LAPTM4B: variants seen among roughly 807,000 people sequenced by gnomAD.
The protein encoded by LAPTM4B is lysosomal-associated transmembrane protein 4B.
A neutral mutation model predicts 28.5 loss-of-function variants in LAPTM4B; 26 were observed. The ratio of observed to expected loss-of-function variants is 0.91; its 90% CI spans 0.67 to 1.27. The LOEUF (loss-of-function observed/expected upper bound fraction) is 1.27. Ranked by LOEUF, LAPTM4B falls within the 50% of genes most tolerant of loss-of-function variation. LAPTM4B has a pLI of 0.00. For synonymous variants in LAPTM4B, 109 were observed against 106.4 expected (o/e 1.02, Z -0.15); for missense variants, 288 against 285.8 (o/e 1.01, Z -0.06).
At chr8:97,806,568 AT>A (rs1229063520) in intron 2 of LAPTM4B, among the ~76,000 whole-genome samples, 1 of 152,154 alleles carries the variant, frequency 6.6e-6, no homozygotes, top group Non-Finnish European at 1.5e-5. Flanking sequence ...TGGAATTGAT[AT>A]GGTTTGGCTG....
At chr8:97,846,327 ATTTT>A (rs57959152) in intron 6 of LAPTM4B, among the ~76,000 whole-genome samples, 33 of 138,912 alleles carry the variant, frequency 2.4e-4, no homozygotes, top group Non-Finnish European at 2.6e-4. Context: ...AGAGTATCCA[ATTTT>A]TTTTTTTTTT....
intron 6 of LAPTM4B, among the ~76,000 whole-genome samples, chr8:97,840,781 T>G (rs1461547288): frequency 6.6e-6 from 1 of 152,162 alleles, no homozygotes; most frequent in East Asian, 1.9e-4. Flanking sequence ...TGCTCCTCAC[T>G]TCCCAGACGG....
rs532040084 is a variant in LAPTM4B at position 97,819,245 on chromosome 8, A to C, written c.507+7A>C. 18 of 1,509,902 alleles carry C rather than the reference A, an allele frequency of 1.2e-5. No individual in the cohort carries two copies. The South Asian group carries it at 1.6e-4, about 14-fold the overall frequency. The allele number at this position is 1,509,902 out of a possible 1,614,324, so 93.5% of individuals were successfully genotyped here. On this transcript the variant is annotated splice_region_variant and intron_variant, in intron 5 of 6. Coordinates refer to ENST00000521545, the MANE Select transcript of LAPTM4B (RefSeq NM_018407.6). ...CATTATCTTGACTTTTAAGGTAAGC[A>C]TGAAGATTTTACTTATAGTCTAAAA... is the stretch of plus-strand genomic sequence containing the variant.
intron 5 of LAPTM4B, 141 bp from the exon 6 acceptor site, chr8:97,824,917 T>G: frequency 1.9e-6 from 1 of 521,318 alleles, no homozygotes; most frequent in Non-Finnish European, 3.5e-6. Context: ...TTCAGGGACT[T>G]TTGGTTTAGT....
intron 5 of LAPTM4B, 46 bp downstream of exon 5, chr8:97,819,284 T>C: frequency 8.7e-7 from 1 of 1,155,544 alleles, no homozygotes; most frequent in South Asian, 1.3e-5. Context: ...TTAAGTGTAT[T>C]CCTGAATACC....
intron 2 of LAPTM4B, among the ~76,000 whole-genome samples, chr8:97,813,503 G>A (rs531324428): frequency 1.1e-4 from 16 of 152,174 alleles, no homozygotes; most frequent in Admixed American, 2.6e-4. Flanking sequence ...CTTTGGCAAC[G>A]CCCTCACAGG....
At chr8:97,834,777 C>T (rs1463188004) in intron 6 of LAPTM4B, among the ~76,000 whole-genome samples, 1 of 152,166 alleles carries the variant, frequency 6.6e-6, no homozygotes, top group African/African-American at 2.4e-5. Context: ...GCTCTAGGCT[C>T]ATCTTGTACA....
rs1250399318 is a variant in LAPTM4B, at chr8:97,805,450, T to C, written c.197T>C (p.Phe66Ser). ...TCTGAACTGGGAGGTGACTTTGAGT[T>C]CATGGATGATGCCAGTAAGTAGTAG... ...SSSELGGDFEFMDDANMCIAI... is the reference protein window; with the variant it reads ...SSSELGGDFESMDDANMCIAI... The change falls in exon 2 of 7, where the codon TTC becomes TCC. Residue 66 changes from phenylalanine to serine, a missense_variant. Physicochemically the swap from Phe to Ser is radical, Grantham distance 155 (BLOSUM62 -2). Transcript: ENST00000521545. 2 of 1,599,218 alleles carry C rather than the reference T, an allele frequency of 1.3e-6. No homozygotes were observed. Among genetic ancestry groups the C allele is most frequent in the Admixed American group, 3.3e-5 (2 of 59,960 alleles).
At chr8:97,827,877 C>T (rs1265782591) in intron 6 of LAPTM4B, among the ~76,000 whole-genome samples, 7 of 152,034 alleles carry the variant, frequency 4.6e-5, no homozygotes, top group South Asian at 4.2e-4. Context: ...GGGTCACAGG[C>T]GGGAAGGGTC....
At position 97,817,703 on chromosome 8, in the gene LAPTM4B, GC is replaced by G; in HGVS notation, c.409-1435del. On this transcript the variant is annotated intron_variant, in intron 4 of 6. Transcript: ENST00000521545. ...AGCCTCAGAGGATCCACCCTCATCG[GC>G]CTCCCAGAGTGCTAGGAATACAGGC... is the stretch of plus-strand genomic sequence containing the variant. Among the ~76,000 whole-genome samples the G allele has an allele frequency of 2.0e-5, 3 of 151,914 alleles. No individual in the cohort carries two copies. In the South Asian group the frequency reaches 6.3e-4, roughly 32 times the overall value.
chr8:97,836,388 T>G (rs1817260329), intron 6 of LAPTM4B, among the ~76,000 whole-genome samples: 1 of 152,014 alleles, frequency 6.6e-6, no homozygotes. Flanking sequence ...ACCATATTGA[T>G]CAGGCTGGTC....
At chr8:97,776,694 C>CCA (rs1434873470) in intron 1 of LAPTM4B, among the ~76,000 whole-genome samples, 4 of 151,822 alleles carry the variant, frequency 2.6e-5, no homozygotes, top group African/African-American at 9.7e-5. Flanking sequence ...AATGGGTCCC[C>CCA]CCCCCGATGT....
At chr8:97,822,582 A>T (rs537695990) in intron 5 of LAPTM4B, among the ~76,000 whole-genome samples, 1 of 150,970 alleles carries the variant, frequency 6.6e-6, no homozygotes, top group South Asian at 2.1e-4. Flanking sequence ...AGGCACAACC[A>T]TGTTCATCAT....
Position 97,851,430 on chromosome 8 carries a change from A to C in LAPTM4B, c.637A>C (p.Asn213His). 1 of 1,614,142 alleles carries C rather than the reference A, an allele frequency of 6.2e-7. No individual in the cohort carries two copies. The highest frequency in any genetic ancestry group is 8.5e-7 in the Non-Finnish European group (1 of 1,180,018). Residue 213 changes from asparagine (N) to histidine (H), a missense_variant, in exon 7 of 7, where the codon AAT becomes CAT. Transcript: ENST00000521545. Reference protein sequence around the residue: ...LLPPYDDATVNGAAKEPPPPY... With the variant: ...LLPPYDDATVHGAAKEPPPPY... ...ACCCCCGTATGATGATGCCACTGTG[A>C]ATGGTGCTGCCAAGGAGCCACCGCC...
At chr8:97,790,893 C>G (rs940822257) in intron 1 of LAPTM4B, among the ~76,000 whole-genome samples, 4 of 152,156 alleles carry the variant, frequency 2.6e-5, no homozygotes, top group African/African-American at 9.7e-5. Flanking sequence ...GTGTGTGCCA[C>G]TGAGCCCGTC....
At position 97,831,678 on chromosome 8, in the gene LAPTM4B, A is replaced by G. The variant is rs79538139; in HGVS notation, c.603+6525A>G. On this transcript the variant is annotated intron_variant, in intron 6 of 6. Coordinates refer to ENST00000521545, the MANE Select transcript of LAPTM4B (RefSeq NM_018407.6). ...AACCACTTGCCTTGAGTTGGAAAGG[A>G]CTGGTAGAACAGGTTTTCAGAAGAA... 1.6e-3 allele frequency among the ~76,000 whole-genome samples: 245 copies of G among 152,298 alleles called. 6 individuals are homozygous for G. The East Asian group carries it at 0.038, about 23-fold the overall frequency.
At chr8:97,818,426 C>T (rs533980699) in intron 4 of LAPTM4B, among the ~76,000 whole-genome samples, 15 of 152,284 alleles carry the variant, frequency 9.9e-5, no homozygotes, top group African/African-American at 3.4e-4. Flanking sequence ...GTGATGTAGG[C>T]GTTGATCAAT....
intron 4 of LAPTM4B, among the ~76,000 whole-genome samples, chr8:97,818,215 C>A (rs1816952288): frequency 6.6e-6 from 1 of 152,176 alleles, no homozygotes; most frequent in Non-Finnish European, 1.5e-5. Context: ...AGACTGAAAA[C>A]CATTAGGTGG....
At chr8:97,799,447 T>A (rs2449557) in intron 1 of LAPTM4B, among the ~76,000 whole-genome samples, 4 of 152,194 alleles carry the variant, frequency 2.6e-5, no homozygotes, top group Admixed American at 1.3e-4. Flanking sequence ...GACTTTTCTT[T>A]TAAGGCAGGG....
Sources: gnomAD v4.1 joint callset for allele counts (sites outside exome capture counted in the v4.1 genomes callset) on GRCh38, gnomAD v4.1.1 for gene constraint, MANE v1.5 for transcripts, NCBI Gene and HGNC (gene_info 2026-07-23, HGNC 2026-07-21) for gene names.